KRT72: variants seen among roughly 807,000 people sequenced by gnomAD.
The protein encoded by KRT72 is keratin, type II cytoskeletal 72.
In KRT72, 44 loss-of-function variants were observed where a neutral mutation model predicts 44.7. The ratio of observed to expected loss-of-function variants is 0.98; its 90% confidence interval spans 0.77 to 1.27. The LOEUF (loss-of-function observed/expected upper bound fraction) is 1.27, where lower values mean the gene tolerates loss of function less well. KRT72 is among the 50% of genes most tolerant of loss of function. The pLI is 0.00. For synonymous variants in KRT72, 302 were observed against 280.4 expected, an observed-to-expected ratio of 1.08 and a Z score of -0.77; for missense variants, 736 against 667.1, an observed-to-expected ratio of 1.10 and a Z score of -1.14.
At chr12:52,600,963 G>T (rs978043756) in intron 1 of KRT72, 64 bp downstream of exon 1, 4 of 1,554,486 alleles carry the variant, frequency 2.6e-6, no homozygotes, top group Non-Finnish European at 2.6e-6. Flanking sequence ...CTCGCCAGTG[G>T]CAGAGCCAGC....
chr12:52,601,601 C>A, upstream of KRT72: 1 of 747,934 alleles, frequency 1.3e-6, no homozygotes, highest in East Asian at 2.8e-5. Context: ...TCCCTTGAGG[C>A]CTCTTGGGTT....
chr12:52,589,048 T>G (rs1409986178), intron 6 of KRT72, among the ~76,000 whole-genome samples: 1 of 152,096 alleles, frequency 6.6e-6, no homozygotes, highest in African/African-American at 2.4e-5. Context: ...GAAGATAGCT[T>G]TGCATAACTG....
At chr12:52,597,270 C>A (rs977004856) in intron 2 of KRT72, among the ~76,000 whole-genome samples, 20 of 152,244 alleles carry the variant, frequency 1.3e-4, no homozygotes, top group African/African-American at 4.6e-4. Flanking sequence ...AAAGCTTCAG[C>A]GTATACAATG....
upstream of KRT72, among the ~76,000 whole-genome samples, chr12:52,602,670 G>A (rs1592238207): frequency 6.6e-6 from 1 of 152,164 alleles, no homozygotes; most frequent in African/African-American, 2.4e-5. Context: ...TGCTCCCCCA[G>A]TGCTCAGCCC....
Position 52,601,330 on chromosome 12 carries a change from C to T in KRT72, c.123G>A (p.Ser41=), listed in dbSNP as rs1173786556. ...AGAGGCTCTTGCTGCCAAAGGAGGC[C>T]GAGCCCTTGACCCGGGCCCGGAATG... The part of the protein sequence containing the change: ...SASFRARVKG[S]ASFGSKSLSC... Residue 41 remains serine (S), a synonymous_variant, in exon 1 of 9, where the codon TCG becomes TCA. Transcript: ENST00000293745. The T allele has an allele frequency of 1.9e-6, 3 of 1,545,216 alleles. No individual in the cohort carries two copies. Among genetic ancestry groups the T allele is most frequent in the Non-Finnish European group, 1.7e-6 (2 of 1,146,914 alleles).
rs377500272 is a variant in KRT72 at position 52,592,488 on chromosome 12, C to A, written c.706G>T (p.Val236Leu). Residue 236 changes from valine (V) to leucine (L), a missense_variant, in exon 4 of 9, where the codon GTG becomes TTG. Transcript: ENST00000293745. ...ENEFVVLKKD[V>L]DAAYMNKVEL... Reference sequence around the variant, plus strand: ...ACCTTATTCATGTAAGCAGCATCCACGTCCTGGGAGCACATGATAGTCAAG... The same window carrying A: ...ACCTTATTCATGTAAGCAGCATCCAAGTCCTGGGAGCACATGATAGTCAAG... 1 of 1,613,714 alleles carries A rather than the reference C, an allele frequency of 6.2e-7. No homozygotes were observed. The highest frequency in any genetic ancestry group is 8.5e-7 in the Non-Finnish European group (1 of 1,179,694).
In KRT72 at chr12:52,591,468, G is replaced by T. The variant is rs762014322; in HGVS notation, c.959C>A (p.Thr320Asn). Residue 320 changes from threonine to asparagine, a missense_variant, in exon 5 of 9, where the codon ACC (threonine) becomes AAC (asparagine). Thr to Asn is a moderately conservative substitution (Grantham distance 65). Transcript: ENST00000293745. The stretch of plus-strand genomic sequence containing the variant: ...GCACACCTGGCACCAGCTCACCTTG[G>T]TCTGGTACAGGGTCTCAGCCTCGGC... The part of the protein sequence containing the change: ...SKAEAETLYQ[T>N]KIQELQVTAG... 15 of 1,613,154 alleles carry T rather than the reference G, an allele frequency of 9.3e-6. No individual in the cohort carries two copies. The highest frequency in any genetic ancestry group is 1.1e-5 in the Non-Finnish European group (13 of 1,179,326).
At position 52,592,480 on chromosome 12, in the gene KRT72, A is replaced by G. The variant is rs138477551; in HGVS notation, c.714T>C (p.Ala238=). The G allele has an allele frequency of 6.2e-7, 1 of 1,613,908 alleles. No individual in the cohort carries two copies. Among genetic ancestry groups the G allele is most frequent in the African/African-American group, 1.3e-5 (1 of 74,928 alleles). ...EFVVLKKDVD[A]AYMNKVELQA... ...GGAGCTCAACCTTATTCATGTAAGC[A>G]GCATCCACGTCCTGGGAGCACATGA... Residue 238 remains alanine, a synonymous_variant, in exon 4 of 9, where the codon GCT becomes GCC. Coordinates refer to ENST00000293745, the MANE Select transcript of KRT72 (RefSeq NM_080747.3).
intron 1 of KRT72, among the ~76,000 whole-genome samples, chr12:52,599,996 C>T (rs929048581): frequency 4.6e-5 from 7 of 152,180 alleles, no homozygotes; most frequent in African/African-American, 7.2e-5. Context: ...TATCACTCAC[C>T]GTCTAGACCT....
chr12:52,591,056 C>T, intron 5 of KRT72, 95 bp from the exon 6 acceptor site: 2 of 1,222,892 alleles, frequency 1.6e-6, no homozygotes, highest in Non-Finnish European at 2.2e-6. Flanking sequence ...TGCCCTAGTT[C>T]AACAAGATCC....
At chr12:52,592,039 T>C (rs1418288502) in intron 4 of KRT72, among the ~76,000 whole-genome samples, 1 of 152,166 alleles carries the variant, frequency 6.6e-6, no homozygotes, top group African/African-American at 2.4e-5. Context: ...CTTCTATTTT[T>C]CTGCCCCCCT....
intron 7 of KRT72, 69 bp from the exon 8 acceptor site, chr12:52,587,049 C>T: frequency 1.4e-6 from 2 of 1,448,384 alleles, no homozygotes; most frequent in Non-Finnish European, 1.9e-6. Flanking sequence ...GAAGTCACCT[C>T]TGTGAATAAG....
intron 6 of KRT72, among the ~76,000 whole-genome samples, chr12:52,589,725 TC>T (rs1258931319): frequency 3.3e-4 from 51 of 152,292 alleles, no homozygotes; most frequent in African/African-American, 1.1e-3. Context: ...CAATGGGGAC[TC>T]AGCATTGCGA....
intron 6 of KRT72, among the ~76,000 whole-genome samples, chr12:52,589,476 T>C (rs774164829): frequency 1.6e-4 from 25 of 152,212 alleles, no homozygotes; most frequent in Non-Finnish European, 3.2e-4. Context: ...TCTGTTCTTT[T>C]TTACTGACCA....
Position 52,601,419 on chromosome 12 carries a change from C to G in KRT72, c.34G>C (p.Glu12Gln). The change falls in exon 1 of 9, where the codon GAG (glutamate) becomes CAG (glutamine). Residue 12 changes from glutamate to glutamine, a missense_variant. Glu to Gln is a conservative substitution (Grantham distance 29). Coordinates refer to ENST00000293745, the MANE Select transcript of KRT72 (RefSeq NM_080747.3). ...SRQLTHFPRG[E>Q]RLGFSGCSAV... ...GAGCAACCGCTGAAGCCCAGGCGCT[C>G]CCCGCGGGGGAAATGGGTCAGTTGG... 1 of 1,539,738 alleles carries G rather than the reference C, an allele frequency of 6.5e-7. No individual in the cohort carries two copies. The highest frequency in any genetic ancestry group is 8.7e-7 in the Non-Finnish European group (1 of 1,147,278).
intron 4 of KRT72, 120 bp from the exon 5 acceptor site, chr12:52,591,748 C>A (rs192300174): frequency 4.1e-6 from 4 of 985,212 alleles, no homozygotes; most frequent in Non-Finnish European, 6.0e-6. Flanking sequence ...TTGAACTCTG[C>A]CTCAGCACCA....
At chr12:52,597,688 C>T (rs756960467) in intron 2 of KRT72, among the ~76,000 whole-genome samples, 1 of 152,178 alleles carries the variant, frequency 6.6e-6, no homozygotes, top group African/African-American at 2.4e-5. Flanking sequence ...AAATCCAAGC[C>T]TTCTGACATA....
Position 52,598,970 on chromosome 12 carries a change from A to G in KRT72, c.569T>C (p.Leu190Pro), listed in dbSNP as rs759645306. Residue 190 changes from leucine (L) to proline (P), a missense_variant, in exon 2 of 9, where the codon CTG becomes CCG. Coordinates refer to ENST00000293745, the MANE Select transcript of KRT72 (RefSeq NM_080747.3). ...ISNLQKQLEMLSGDGVRLDSE... is the reference protein window; with the variant it reads ...ISNLQKQLEMPSGDGVRLDSE... ...ATCCAGCCTCACCCCGTCCCCAGAC[A>G]GCATCTCCAGCTGCTTCTGCAGGTT... The G allele has an allele frequency of 4.3e-6, 7 of 1,614,108 alleles. No homozygotes were observed. Among genetic ancestry groups the G allele is most frequent in the African/African-American group, 2.7e-5 (2 of 74,936 alleles).
chr12:52,592,825 C>A (rs1940096687), intron 3 of KRT72, 67 bp downstream of exon 3: 2 of 1,434,374 alleles, frequency 1.4e-6, no homozygotes, highest in Non-Finnish European at 2.0e-6. Context: ...TTTCCTCACC[C>A]TACAAGCATC....
Sources: allele counts gnomAD v4.1 joint callset (sites outside exome capture counted in the v4.1 genomes callset), GRCh38; gene constraint gnomAD v4.1.1; transcripts MANE v1.5; gene names NCBI Gene and HGNC (gene_info 2026-07-23, HGNC 2026-07-21).